The following LDB2 variants were observed in gnomAD, a reference collection of about 807,000 sequenced individuals.
LDB2 encodes the protein LIM domain binding 2.
A neutral mutation model predicts 44.3 loss-of-function variants in LDB2; 12 were observed. The observed-to-expected ratio is 0.27, with a 90% CI of 0.17 to 0.44. The LOEUF (loss-of-function observed/expected upper bound fraction) is 0.44. LDB2 is among the 20% of genes least tolerant of loss of function. LDB2 has a pLI of 1.00. For missense variants in LDB2, 344 were observed against 473.5 expected (o/e 0.73, Z 2.54); for synonymous variants, 164 against 174.8 (o/e 0.94, Z 0.49).
intron 5 of LDB2, among the ~76,000 whole-genome samples, chr4:16,561,111 A>G (rs1357044196): frequency 6.6e-6 from 1 of 152,162 alleles, no homozygotes; most frequent in Non-Finnish European, 1.5e-5. Flanking sequence ...AGCCAATATC[A>G]TACTGAATGG....
chr4:16,802,274 T>G (rs1006336771), intron 1 of LDB2, among the ~76,000 whole-genome samples: 1 of 152,208 alleles, frequency 6.6e-6, no homozygotes, highest in African/African-American at 2.4e-5. Flanking sequence ...CAGCAGTCAC[T>G]GCTGATTGTC....
intron 1 of LDB2, among the ~76,000 whole-genome samples, chr4:16,854,043 G>A (rs1325811765): frequency 6.6e-6 from 1 of 152,058 alleles, no homozygotes; most frequent in Non-Finnish European, 1.5e-5. Context: ...GATGTAGGAT[G>A]AATCAGTCTA....
chr4:16,687,354 C>G (rs569146272), intron 2 of LDB2, among the ~76,000 whole-genome samples: 1 of 152,180 alleles, frequency 6.6e-6, no homozygotes, highest in East Asian at 1.9e-4. Flanking sequence ...CTCTCTCGCT[C>G]TCTACTCTCT....
intron 5 of LDB2, among the ~76,000 whole-genome samples, chr4:16,522,047 G>A (rs1267200067): frequency 2.0e-5 from 3 of 152,030 alleles, no homozygotes; most frequent in African/African-American, 4.8e-5. Context: ...TCTCCCCATC[G>A]GCAAGATTGG....
intron 1 of LDB2, among the ~76,000 whole-genome samples, chr4:16,829,901 T>C (rs1377294823): frequency 6.6e-6 from 1 of 152,042 alleles, no homozygotes; most frequent in African/African-American, 2.4e-5. Flanking sequence ...GGTCAAGAGA[T>C]TGAGACCATC....
chr4:16,664,474 G>A (rs1428296372), intron 2 of LDB2, among the ~76,000 whole-genome samples: 1 of 152,186 alleles, frequency 6.6e-6, no homozygotes, highest in Admixed American at 6.5e-5. Flanking sequence ...TAGGACACTA[G>A]ACAGAGTCAG....
chr4:16,586,505 C>CA (rs367982142), intron 4 of LDB2, among the ~76,000 whole-genome samples: 158 of 101,734 alleles, frequency 1.6e-3, no homozygotes, highest in African/African-American at 1.8e-3. Context: ...CACACACACA[C>CA]ACACACACAC....
intron 2 of LDB2, among the ~76,000 whole-genome samples, chr4:16,707,190 C>T (rs1754791926): frequency 6.6e-6 from 1 of 152,020 alleles, no homozygotes; most frequent in Non-Finnish European, 1.5e-5. Flanking sequence ...TATCTCAGAA[C>T]CCAAAAGACA....
chr4:16,728,512 G>A (rs1031579448), intron 2 of LDB2, among the ~76,000 whole-genome samples: 1 of 152,056 alleles, frequency 6.6e-6, no homozygotes, highest in Admixed American at 6.6e-5. Context: ...ACCTAGGGAG[G>A]CAAAAAGGAT....
At chr4:16,693,208 T>G (rs1196640936) in intron 2 of LDB2, among the ~76,000 whole-genome samples, 1 of 152,190 alleles carries the variant, frequency 6.6e-6, no homozygotes, top group African/African-American at 2.4e-5. Context: ...TTATGAATCA[T>G]GATTTTTATT....
intron 2 of LDB2, among the ~76,000 whole-genome samples, chr4:16,609,353 G>A (rs1402541239): frequency 1.5e-5 from 1 of 66,250 alleles, no homozygotes; most frequent in African/African-American, 4.4e-5. Flanking sequence ...GGAGGGGGCG[G>A]GGGGGGGAGG....
chr4:16,566,895 T>C (rs2152391190), intron 5 of LDB2, among the ~76,000 whole-genome samples: 1 of 152,246 alleles, frequency 6.6e-6, no homozygotes, highest in Non-Finnish European at 1.5e-5. Flanking sequence ...GAGAAGATAA[T>C]AAATATCTCC....
chr4:16,713,031 C>A (rs142995228), intron 2 of LDB2, among the ~76,000 whole-genome samples: 1 of 152,098 alleles, frequency 6.6e-6, no homozygotes, highest in Non-Finnish European at 1.5e-5. Context: ...TAGAAAGGAA[C>A]GAAGTAATGA....
chr4:16,534,256 A>G (rs1731015685), intron 5 of LDB2, among the ~76,000 whole-genome samples: 1 of 152,200 alleles, frequency 6.6e-6, no homozygotes, highest in African/African-American at 2.4e-5. Flanking sequence ...AATGTGATTA[A>G]TATCCTCGAT....
At chr4:16,670,268 C>G (rs1210432092) in intron 2 of LDB2, among the ~76,000 whole-genome samples, 1 of 152,122 alleles carries the variant, frequency 6.6e-6, no homozygotes, top group Non-Finnish European at 1.5e-5. Flanking sequence ...CTAAGTAGGT[C>G]GCTTAGATAT....
At chr4:16,871,490 T>G (rs1178082388) in intron 1 of LDB2, among the ~76,000 whole-genome samples, 2 of 152,218 alleles carry the variant, frequency 1.3e-5, no homozygotes, top group Non-Finnish European at 2.9e-5. Context: ...ATTATCCAAT[T>G]CAGGAGAGCA....
chr4:16,567,197 T>C (rs1744800483), intron 5 of LDB2, among the ~76,000 whole-genome samples: 1 of 152,214 alleles, frequency 6.6e-6, no homozygotes, highest in African/African-American at 2.4e-5. Flanking sequence ...AAGATACTTG[T>C]ACATCATTGT....
intron 5 of LDB2, among the ~76,000 whole-genome samples, chr4:16,534,603 T>TACAA (rs1301909535): frequency 1.3e-5 from 2 of 152,250 alleles, no homozygotes; most frequent in African/African-American, 4.8e-5. Context: ...TCCGTATCTT[T>TACAA]ACAAACACTA....
At chr4:16,855,935 C>T (rs1789273430) in intron 1 of LDB2, among the ~76,000 whole-genome samples, 1 of 152,154 alleles carries the variant, frequency 6.6e-6, no homozygotes, top group Non-Finnish European at 1.5e-5. Flanking sequence ...GAAAAGTCCA[C>T]TGCTATGGTT....
Sources: gnomAD v4.1 joint callset for allele counts (sites outside exome capture counted in the v4.1 genomes callset) on GRCh38, gnomAD v4.1.1 for gene constraint, MANE v1.5 for transcripts, NCBI Gene and HGNC (gene_info 2026-07-23, HGNC 2026-07-21) for gene names.